Variants in PLA2G4C observed in about 807,000 individuals in gnomAD.
PLA2G4C encodes phospholipase A2 group IVC.
Under a neutral mutation model 73.8 loss-of-function variants are expected in PLA2G4C, and 64 were observed. That is an observed-to-expected ratio of 0.87 (90% CI 0.71 to 1.07). PLA2G4C has a LOEUF of 1.07. PLA2G4C is among the 50% of genes least tolerant of loss of function. The pLI is 0.00. For missense variants in PLA2G4C, 622 were observed against 665.4 expected (o/e 0.93, Z 0.72); for synonymous variants, 254 against 252.1 (o/e 1.01, Z -0.07).
chr19:48,110,659 C>T lies in PLA2G4C; in HGVS notation c.-205G>A. On this transcript the variant is annotated 5_prime_UTR_variant, in exon 1 of 17. Coordinates refer to ENST00000599921, the MANE Select transcript of PLA2G4C (RefSeq NM_003706.3). ...CCTCGGTGCCAAAGCTTCTGTGGTC[C>T]TCCTGCTTTCCTTTTCCCCCTGTGG... 2.2e-6 allele frequency: 1 copy of T among 461,726 alleles called. No homozygotes were observed. Among genetic ancestry groups the T allele is most frequent in the Non-Finnish European group, 3.1e-6 (1 of 318,448 alleles). 28.6% of individuals were successfully genotyped at this position (461,726 alleles called of 1,614,324 possible).
intron 1 of PLA2G4C, among the ~76,000 whole-genome samples, chr19:48,108,417 T>G (rs2032335222): frequency 6.6e-6 from 1 of 152,160 alleles, no homozygotes; most frequent in Non-Finnish European, 1.5e-5. Flanking sequence ...ATTACAGGTG[T>G]TAGCTACCAC....
At chr19:48,077,699 A>T (rs1268926540) in intron 11 of PLA2G4C, 72 bp downstream of exon 11, 7 of 1,142,812 alleles carry the variant, frequency 6.1e-6, no homozygotes, top group African/African-American at 1.6e-5. Flanking sequence ...AGTTTTTAGG[A>T]CAATGGCTGG....
chr19:48,066,925 C>T (rs575103015), intron 13 of PLA2G4C, among the ~76,000 whole-genome samples: 2 of 151,798 alleles, frequency 1.3e-5, no homozygotes, highest in African/African-American at 4.8e-5. Flanking sequence ...GCCATGATTG[C>T]ACCACTGCAT....
At chr19:48,059,432 G>C (rs991405145) in intron 14 of PLA2G4C, among the ~76,000 whole-genome samples, 1 of 152,138 alleles carries the variant, frequency 6.6e-6, no homozygotes, top group African/African-American at 2.4e-5. Context: ...CTGGAAAGCT[G>C]GTATTGTTTC....
chr19:48,093,329 C>T (rs530176741), intron 7 of PLA2G4C, among the ~76,000 whole-genome samples: 1 of 152,250 alleles, frequency 6.6e-6, no homozygotes, highest in East Asian at 1.9e-4. Flanking sequence ...CTCCAGGTTT[C>T]CAGAGTCCAT....
At chr19:48,079,772 C>G (rs2030420635) in intron 10 of PLA2G4C, among the ~76,000 whole-genome samples, 1 of 152,190 alleles carries the variant, frequency 6.6e-6, no homozygotes, top group South Asian at 2.1e-4. Flanking sequence ...GAGTTCCAGA[C>G]CAACATGACG....
intron 14 of PLA2G4C, among the ~76,000 whole-genome samples, chr19:48,056,261 A>G (rs1967936882): frequency 6.6e-6 from 1 of 152,074 alleles, no homozygotes; most frequent in Admixed American, 6.6e-5. Flanking sequence ...ATTAAGATCA[A>G]TGCGGGCCAG....
rs867094423 is a variant in PLA2G4C at position 48,105,522 on chromosome 19, G to T, written c.9-78C>A. 1.5e-5 allele frequency: 17 copies of T among 1,152,518 alleles called. No individual in the cohort carries two copies. In the Middle Eastern group the frequency reaches 3.4e-3, roughly 229 times the overall value. 71.4% of individuals were successfully genotyped at this position (1,152,518 alleles called of 1,614,324 possible). A position where few individuals can be genotyped will look rare whatever the true frequency, so the allele number is the denominator to read the frequency against. On this transcript the variant is annotated intron_variant, in intron 2 of 16. Coordinates refer to ENST00000599921, the MANE Select transcript of PLA2G4C (RefSeq NM_003706.3). ...AAAACACAGAATTTGACCTAGAACTGGGCTGTCCAAGCAGGTAGCCACCAG... is the reference window on the plus strand; with the variant it reads ...AAAACACAGAATTTGACCTAGAACTTGGCTGTCCAAGCAGGTAGCCACCAG...
At chr19:48,090,518 T>C (rs2031235335) in intron 7 of PLA2G4C, 101 bp from the exon 8 acceptor site, 2 of 828,238 alleles carry the variant, frequency 2.4e-6, no homozygotes, top group African/African-American at 3.4e-5. Flanking sequence ...ACTGCAGGGA[T>C]CTGCAGCAGG....
intron 12 of PLA2G4C, among the ~76,000 whole-genome samples, chr19:48,070,922 T>G (rs12459964): frequency 0.5 from 47,282 of 95,338 alleles, 7,834 homozygotes; most frequent in East Asian, 0.56. Flanking sequence ...TAAAAAATCC[T>G]GTCTCGGTTT....
chr19:48,067,719 C>T, intron 13 of PLA2G4C, 72 bp downstream of exon 13: 8 of 1,025,196 alleles, frequency 7.8e-6, no homozygotes, highest in South Asian at 3.8e-5. Context: ...GTTTCAGGCC[C>T]ACCCCCTTCC....
chr19:48,100,414 C>T (rs1255688067), intron 4 of PLA2G4C, among the ~76,000 whole-genome samples: 1 of 150,746 alleles, frequency 6.6e-6, no homozygotes. Flanking sequence ...ACCTCTAGTG[C>T]CGGATACTCA....
intron 16 of PLA2G4C, among the ~76,000 whole-genome samples, chr19:48,051,619 G>A (rs1307832307): frequency 1.3e-5 from 2 of 151,928 alleles, no homozygotes; most frequent in Non-Finnish European, 1.5e-5. Flanking sequence ...ATCAGATCTC[G>A]TGAGAACTCC....
intron 13 of PLA2G4C, 146 bp from the exon 14 acceptor site, chr19:48,062,298 C>G: frequency 1.6e-6 from 1 of 627,672 alleles, no homozygotes; most frequent in South Asian, 2.2e-5. Context: ...GCTGACTTCT[C>G]TCTCTTCCCA....
At chr19:48,050,213 C>G (rs1247015967) in intron 16 of PLA2G4C, among the ~76,000 whole-genome samples, 1 of 152,166 alleles carries the variant, frequency 6.6e-6, no homozygotes, top group Non-Finnish European at 1.5e-5. Flanking sequence ...AACCACCATG[C>G]CCGGCCTCTG....
chr19:48,095,910 G>T (rs1266664668), intron 6 of PLA2G4C, among the ~76,000 whole-genome samples: 1 of 152,204 alleles, frequency 6.6e-6, no homozygotes. Context: ...TGCAAGGGAA[G>T]AGTGTAGCCA....
chr19:48,057,359 T>A (rs1967980679), intron 14 of PLA2G4C, among the ~76,000 whole-genome samples: 1 of 151,890 alleles, frequency 6.6e-6, no homozygotes, highest in Non-Finnish European at 1.5e-5. Context: ...TGTGGTTATT[T>A]TTCCTTATGT....
intron 4 of PLA2G4C, among the ~76,000 whole-genome samples, chr19:48,101,104 C>CTG (rs2031886005): frequency 9.7e-6 from 1 of 103,376 alleles, no homozygotes; most frequent in Admixed American, 1.1e-4. Flanking sequence ...CACATAGAGT[C>CTG]TATATATATA....
At chr19:48,061,893 C>A in intron 14 of PLA2G4C, 105 bp downstream of exon 14, 1 of 1,160,432 alleles carries the variant, frequency 8.6e-7, no homozygotes, top group Non-Finnish European at 1.3e-6. Flanking sequence ...GCCAGCACCT[C>A]CCCATTGCCC....
Sources: allele counts gnomAD v4.1 joint callset (sites outside exome capture counted in the v4.1 genomes callset), GRCh38; gene constraint gnomAD v4.1.1; transcripts MANE v1.5; gene names NCBI Gene and HGNC (gene_info 2026-07-23, HGNC 2026-07-21).